SUSD4: variants seen among roughly 807,000 people sequenced by gnomAD.
SUSD4 encodes the protein sushi domain-containing protein 4.
Under a neutral mutation model 50.5 loss-of-function variants are expected in SUSD4, and 41 were observed. The ratio of observed to expected loss-of-function variants is 0.81; its 90% CI spans 0.63 to 1.05. The LOEUF is 1.05. Ranked by LOEUF, SUSD4 falls within the 50% of genes least tolerant of loss-of-function variation. The pLI, the probability that SUSD4 is intolerant of heterozygous loss-of-function variation, is 0.00. For missense variants in SUSD4, 580 were observed against 634.7 expected (o/e 0.91, Z 0.93); for synonymous variants, 257 against 257.3 (o/e 1.00, Z 0.01).
chr1:223,346,650 T>TC (rs1435530875), intron 2 of SUSD4, among the ~76,000 whole-genome samples: 31 of 152,162 alleles, frequency 2.0e-4, no homozygotes, highest in African/African-American at 6.8e-4. Context: ...TTAGCCTCTC[T>TC]CTGCCCCAGT....
In SUSD4 at chr1:223,360,085, G is replaced by A. The variant is rs138943454; in HGVS notation, c.148+3193C>T. On this transcript the variant is annotated intron_variant, in intron 2 of 8. Transcript: ENST00000366878. ...ACACCAACCCTATAAATTAGGCACC[G>A]TCATCCTCATTTTATAGATGAGGAA... The A allele has an allele frequency of 6.6e-4, 269 of 409,162 alleles. 1 individual carries two copies. The highest frequency in any genetic ancestry group is 5.1e-3 in the African/African-American group (242 of 47,582). The allele number at this position is 409,162 out of a possible 1,614,324, so 25.3% of individuals were successfully genotyped here. A position where few individuals can be genotyped will look rare whatever the true frequency, so the allele number is the denominator to read the frequency against.
intron 2 of SUSD4, among the ~76,000 whole-genome samples, chr1:223,362,494 G>A (rs1208271931): frequency 6.6e-6 from 1 of 152,114 alleles, no homozygotes; most frequent in Non-Finnish European, 1.5e-5. Context: ...ATTCAGACAG[G>A]AACTCCATCT....
At chr1:223,357,327 C>CA (rs111765119) in intron 2 of SUSD4, among the ~76,000 whole-genome samples, 1 of 152,058 alleles carries the variant, frequency 6.6e-6, no homozygotes, top group African/African-American at 2.4e-5. Context: ...GGGGGTGTTC[C>CA]AAAATACTTG....
intron 5 of SUSD4, among the ~76,000 whole-genome samples, chr1:223,240,602 GT>G (rs914506752): frequency 1.3e-5 from 2 of 151,964 alleles, no homozygotes; most frequent in Admixed American, 6.6e-5. Flanking sequence ...GGCATTCTTT[GT>G]TTCCATCACA....
At chr1:223,328,100 A>AT in intron 2 of SUSD4, among the ~76,000 whole-genome samples, 1 of 152,326 alleles carries the variant, frequency 6.6e-6, no homozygotes. Flanking sequence ...TCTCTAAAAA[A>AT]AAAAAAAAGT....
chr1:223,289,352 TCA>T lies in SUSD4; in HGVS notation c.361+3085_361+3086del, dbSNP rs1267542674. ...AGTGAATTCATTCAGTTCTGTAAAT[TCA>T]GACCTCTATAAATTTAGTTCACTTG... On this transcript the variant is annotated intron_variant, in intron 3 of 8. Coordinates refer to ENST00000366878, the MANE Select transcript of SUSD4 (RefSeq NM_017982.4). The T allele has an allele frequency of 8.3e-6, 8 of 964,474 alleles. No homozygotes were observed. The East Asian group carries it at 8.1e-4, about 97-fold the overall frequency. 59.7% of individuals were successfully genotyped at this position (964,474 alleles called of 1,614,324 possible).
intron 5 of SUSD4, among the ~76,000 whole-genome samples, chr1:223,259,720 T>C (rs1661963569): frequency 6.6e-6 from 1 of 152,186 alleles, no homozygotes; most frequent in Admixed American, 6.5e-5. Context: ...GTCTTGGGGA[T>C]TCTGGGCAGT....
intron 2 of SUSD4, among the ~76,000 whole-genome samples, chr1:223,354,921 T>C (rs2102586900): frequency 6.6e-6 from 1 of 152,298 alleles, no homozygotes. Flanking sequence ...CACAAAGACA[T>C]CAAAGAATCC....
At position 223,264,761 on chromosome 1, in the gene SUSD4, G is replaced by T. The variant is rs1298737447; in HGVS notation, c.593C>A (p.Thr198Asn). 6.2e-7 allele frequency: 1 copy of T among 1,614,096 alleles called. No individual in the cohort carries two copies. Among genetic ancestry groups the T allele is most frequent in the African/African-American group, 1.3e-5 (1 of 74,938 alleles). The change falls in exon 5 of 9, where the codon ACC becomes AAC. Residue 198 changes from threonine to asparagine, a missense_variant. Coordinates refer to ENST00000366878, the MANE Select transcript of SUSD4 (RefSeq NM_017982.4). Reference sequence around the variant, plus strand: ...GATCACAGTCCCCACCGGGAAGGAGGTCTGGAGCTCAGAGATGTTTACATA... The same window carrying T: ...GATCACAGTCCCCACCGGGAAGGAGTTCTGGAGCTCAGAGATGTTTACATA... The part of the protein sequence containing the change: ...NGYVNISELQ[T>N]SFPVGTVISY...
At chr1:223,225,839 C>T (rs1020322212) in intron 7 of SUSD4, among the ~76,000 whole-genome samples, 9 of 152,144 alleles carry the variant, frequency 5.9e-5, no homozygotes, top group Non-Finnish European at 7.3e-5. Flanking sequence ...ATACACCCCT[C>T]GTCAACATCC....
chr1:223,279,428 C>A (rs1663527857), intron 3 of SUSD4, among the ~76,000 whole-genome samples: 1 of 152,164 alleles, frequency 6.6e-6, no homozygotes, highest in African/African-American at 2.4e-5. Context: ...GACAAATGCA[C>A]AAGCTTCAGT....
At chr1:223,324,562 G>A (rs1302319579) in intron 2 of SUSD4, among the ~76,000 whole-genome samples, 1 of 151,888 alleles carries the variant, frequency 6.6e-6, no homozygotes. Flanking sequence ...CAAAGATGCT[G>A]GATCAGTAAG....
At chr1:223,336,960 ATG>A (rs1667490528) in intron 2 of SUSD4, among the ~76,000 whole-genome samples, 1 of 152,166 alleles carries the variant, frequency 6.6e-6, no homozygotes, top group African/African-American at 2.4e-5. Context: ...GGCCACTAAG[ATG>A]GTGGAAAAGG....
intron 3 of SUSD4, among the ~76,000 whole-genome samples, chr1:223,278,646 T>C (rs1289038264): frequency 1.3e-5 from 2 of 152,220 alleles, no homozygotes; most frequent in African/African-American, 4.8e-5. Context: ...GGGCAGGGCA[T>C]AGCTGAACAA....
At chr1:223,249,008 C>A (rs547173134) in intron 5 of SUSD4, among the ~76,000 whole-genome samples, 152 of 152,232 alleles carry the variant, frequency 1.0e-3, no homozygotes, top group African/African-American at 2.9e-3. Flanking sequence ...AAAGCTGACA[C>A]GTGTTTCTGT....
chr1:223,229,663 C>A lies in SUSD4; in HGVS notation c.725-275G>T, dbSNP rs1659762526. Among the ~76,000 whole-genome samples, 1 of 152,070 alleles carries A rather than the reference C, an allele frequency of 6.6e-6. No individual in the cohort carries two copies. The highest frequency in any genetic ancestry group is 2.1e-4 in the South Asian group (1 of 4,816). On this transcript the variant is annotated intron_variant, in intron 5 of 8. Coordinates refer to ENST00000366878, the MANE Select transcript of SUSD4 (RefSeq NM_017982.4). The surrounding 1 kb of genome is among the most constrained non-coding windows in gnomAD (Gnocchi z 4.7). ...TTCGTTTTACAATGCAAAGAGTATG[C>A]CTATTTAATAGAGAGTATTAAGCTA... is the stretch of plus-strand genomic sequence containing the variant.
At chr1:223,268,042 T>TATATATAC (rs869264392) in intron 4 of SUSD4, among the ~76,000 whole-genome samples, 26 of 106,834 alleles carry the variant, frequency 2.4e-4, no homozygotes, top group African/African-American at 9.1e-4. Context: ...TATATATATA[T>TATATATAC]ACACACACAC....
intron 2 of SUSD4, among the ~76,000 whole-genome samples, chr1:223,294,721 A>C (rs1664714703): frequency 6.6e-6 from 1 of 152,098 alleles, no homozygotes; most frequent in African/African-American, 2.4e-5. Flanking sequence ...ATTTTACCAA[A>C]CTGATGATGC....
chr1:223,221,244 A>T lies in SUSD4; in HGVS notation c.*948T>A, dbSNP rs774782713. The T allele has an allele frequency of 2.8e-4, 111 of 397,808 alleles. No individual in the cohort carries two copies. Among genetic ancestry groups the T allele is most frequent in the Non-Finnish European group, 4.3e-4 (97 of 225,744 alleles). 24.6% of individuals were successfully genotyped at this position (397,808 alleles called of 1,614,324 possible). On this transcript the variant is annotated 3_prime_UTR_variant, in exon 9 of 9. Coordinates refer to ENST00000366878, the MANE Select transcript of SUSD4 (RefSeq NM_017982.4). ...TTACAGAAACAATTTCTGTTTTGGA[A>T]AATAAATGTATGGTTCAATTTGGGG...
Sources: allele counts gnomAD v4.1 joint callset (sites outside exome capture counted in the v4.1 genomes callset), GRCh38; gene constraint gnomAD v4.1.1; non-coding constraint Gnocchi (gnomAD v3.1); transcripts MANE v1.5; gene names NCBI Gene and HGNC (gene_info 2026-07-23, HGNC 2026-07-21).